SLC45A4: variants seen among roughly 807,000 people sequenced by gnomAD.
The protein encoded by SLC45A4 is polyamine-transporter SLC45A4.
In SLC45A4, 32 loss-of-function variants were observed where a neutral mutation model predicts 63.7. The ratio of observed to expected loss-of-function variants is 0.50; its 90% CI spans 0.38 to 0.67. The LOEUF (loss-of-function observed/expected upper bound fraction) is 0.67. Ranked by LOEUF, SLC45A4 falls within the 30% of genes least tolerant of loss-of-function variation. The pLI, the probability that SLC45A4 is intolerant of heterozygous loss-of-function variation, is 0.00. For missense variants in SLC45A4, 1,027 were observed against 1,157.7 expected (o/e 0.89, Z 1.64); for synonymous variants, 535 against 510.0 (o/e 1.05, Z -0.66).
chr8:141,234,130 G>T (rs964189621), intron 2 of SLC45A4, among the ~76,000 whole-genome samples: 62 of 152,328 alleles, frequency 4.1e-4, no homozygotes, highest in African/African-American at 1.4e-3. Flanking sequence ...CTGAGGGAGT[G>T]GGGACTGTTC....
rs117066198 is a variant in SLC45A4 at position 141,251,787 on chromosome 8, T to C, written c.241+2202A>G. On this transcript the variant is annotated intron_variant, in intron 2 of 8. Coordinates refer to ENST00000517878, the MANE Select transcript of SLC45A4 (RefSeq NM_001286646.2). ...CTGGAAAAGTAAGATGAGTGCTTTTTCATTAATGTATTAAGTGACAAGATC... is the reference window on the plus strand; with the variant it reads ...CTGGAAAAGTAAGATGAGTGCTTTTCCATTAATGTATTAAGTGACAAGATC... 8.9e-4 allele frequency among the ~76,000 whole-genome samples: 135 copies of C among 151,900 alleles called. No homozygotes were observed. In the East Asian group the frequency reaches 0.024, roughly 27 times the overall value.
At chr8:141,305,616 C>T (rs1830872611) in intron 1 of SLC45A4, among the ~76,000 whole-genome samples, 1 of 152,220 alleles carries the variant, frequency 6.6e-6, no homozygotes, top group African/African-American at 2.4e-5. Context: ...TGTCTGCCAC[C>T]TACAGTGCTT....
chr8:141,307,418 G>C (rs151238831), intron 1 of SLC45A4, among the ~76,000 whole-genome samples: 2 of 152,170 alleles, frequency 1.3e-5, no homozygotes, highest in South Asian at 2.1e-4. Context: ...CGATGAGACC[G>C]GGGCAGAGCC....
intron 1 of SLC45A4, among the ~76,000 whole-genome samples, chr8:141,266,248 G>T (rs570558718): frequency 6.6e-6 from 1 of 152,118 alleles, no homozygotes; most frequent in African/African-American, 2.4e-5. Flanking sequence ...CACACGAAGC[G>T]CATGTACACG....
chr8:141,289,021 A>T (rs1014051476), intron 1 of SLC45A4, among the ~76,000 whole-genome samples: 1 of 152,148 alleles, frequency 6.6e-6, no homozygotes, highest in Admixed American at 6.6e-5. Context: ...CCAGCTCCCA[A>T]GAGGGAGGCA....
chr8:141,211,729 A>G, intron 8 of SLC45A4, 32 bp from the exon 9 acceptor site: 2 of 1,512,734 alleles, frequency 1.3e-6, no homozygotes, highest in South Asian at 2.8e-5. Flanking sequence ...AAAATATTTT[A>G]GTCACTGACT....
At chr8:141,232,217 G>C (rs749426652) in intron 2 of SLC45A4, among the ~76,000 whole-genome samples, 2 of 152,372 alleles carry the variant, frequency 1.3e-5, no homozygotes, top group South Asian at 4.1e-4. Context: ...ACATGGGGCC[G>C]GGGAACCTCA....
Position 141,215,708 on chromosome 8 carries a change from G to A in SLC45A4, c.1941+51C>T, listed in dbSNP as rs776418194. 6.3e-7 allele frequency: 1 copy of A among 1,578,268 alleles called. No individual in the cohort carries two copies. The highest frequency in any genetic ancestry group is 1.1e-5 in the South Asian group (1 of 90,358). On this transcript the variant is annotated intron_variant, in intron 7 of 8. Coordinates refer to ENST00000517878, the MANE Select transcript of SLC45A4 (RefSeq NM_001286646.2). The surrounding 1 kb of genome is among the most constrained non-coding windows in gnomAD (Gnocchi z 4.3). ...CACAGGGCTCTGCTCTGTATGGAGG[G>A]AAGGCACTCAGGAGGCTGGAGCGCA...
rs1825813821 is a variant in SLC45A4 at position 141,211,607 on chromosome 8, T to G, written c.2392A>C (p.Lys798Gln). 6.2e-7 allele frequency: 1 copy of G among 1,612,594 alleles called. No individual in the cohort carries two copies. The highest frequency in any genetic ancestry group is 8.5e-7 in the Non-Finnish European group (1 of 1,179,834). ...ESIFLYDYFRKKIFFSTMWFS is the reference protein window; with the variant it reads ...ESIFLYDYFRQKIFFSTMWFS ...CACATTGTGGAAAAGAAAATTTTTT[T>G]TCTAAAATAATCATAAAGAAAAATA... The change falls in exon 9 of 9, where the codon AAA becomes CAA. Residue 798 changes from lysine (K) to glutamine (Q), a missense_variant. By Grantham distance (53) the Lys-to-Gln change is moderately conservative. Coordinates refer to ENST00000517878, the MANE Select transcript of SLC45A4 (RefSeq NM_001286646.2).
At chr8:141,276,782 G>A (rs11986305) in intron 1 of SLC45A4, among the ~76,000 whole-genome samples, 46,611 of 152,100 alleles carry the variant, frequency 0.31, 7,283 homozygotes, top group Middle Eastern at 0.4. Context: ...AGGCCCACAC[G>A]GGCTCAGAAG....
intron 7 of SLC45A4, among the ~76,000 whole-genome samples, chr8:141,214,794 G>C (rs1182232599): frequency 6.6e-6 from 1 of 152,202 alleles, no homozygotes; most frequent in Non-Finnish European, 1.5e-5. Flanking sequence ...TTATGGCAAA[G>C]GTGGCACTGC....
chr8:141,255,633 T>C lies in SLC45A4; in HGVS notation c.-400-1004A>G, dbSNP rs541884769. On this transcript the variant is annotated intron_variant, in intron 1 of 8. Transcript: ENST00000517878. ...CAGGAGGGTGAGGCAGGAGAATCACTTGAACCCGGGAGGTGGAAGTTGCAG... is the reference window on the plus strand; with the variant it reads ...CAGGAGGGTGAGGCAGGAGAATCACCTGAACCCGGGAGGTGGAAGTTGCAG... 2.3e-3 allele frequency among the ~76,000 whole-genome samples: 346 copies of C among 152,164 alleles called. 1 individual carries two copies. The highest frequency in any genetic ancestry group is 4.3e-3 in the Non-Finnish European group (295 of 67,990).
At chr8:141,283,559 G>A (rs1262857156) in intron 1 of SLC45A4, among the ~76,000 whole-genome samples, 1 of 152,258 alleles carries the variant, frequency 6.6e-6, no homozygotes, top group Non-Finnish European at 1.5e-5. Context: ...CCCCGCCTAC[G>A]CTTTAGGCTA....
rs1448075151 is a variant in SLC45A4 at position 141,254,218 on chromosome 8, A to G, written c.12T>C (p.Ala4=). 5.9e-6 allele frequency: 9 copies of G among 1,532,180 alleles called. No homozygotes were observed. Among genetic ancestry groups the G allele is most frequent in the Non-Finnish European group, 7.9e-6 (9 of 1,144,212 alleles). The allele number at this position is 1,532,180 out of a possible 1,614,324, so 94.9% of individuals were successfully genotyped here. A position where few individuals can be genotyped will look rare whatever the true frequency, so the allele number is the denominator to read the frequency against. The stretch of plus-strand genomic sequence containing the variant: ...TAGATTCCGGGTCGGCATTCTGCGG[A>G]GCCATTTTCATTACCACCAAAAATA... MKM[A]PQNADPESMQ... The change falls in exon 2 of 9, where the codon GCT becomes GCC. Residue 4 remains alanine (A), a synonymous_variant. Coordinates refer to ENST00000517878, the MANE Select transcript of SLC45A4 (RefSeq NM_001286646.2). The surrounding 1 kb of genome is among the most constrained non-coding windows in gnomAD (Gnocchi z 4.5).
Position 141,212,238 on chromosome 8 carries a change from G to A in SLC45A4, c.2260C>T (p.Arg754Trp), listed in dbSNP as rs968149021. 9 of 1,553,438 alleles carry A rather than the reference G, an allele frequency of 5.8e-6. No homozygotes were observed. The highest frequency in any genetic ancestry group is 2.0e-4 in the Middle Eastern group (1 of 5,030). ...SEKPTVLKLTRKEGLQGPVET... is the reference protein window; with the variant it reads ...SEKPTVLKLTWKEGLQGPVET... ...ACCGGTCCCTGCAGGCCCTCCTTCCGCGTGAGCTTCAGCACGGTGGGCTTT... is the reference window on the plus strand; with the variant it reads ...ACCGGTCCCTGCAGGCCCTCCTTCCACGTGAGCTTCAGCACGGTGGGCTTT... The change falls in exon 8 of 9, where the codon CGG (arginine) becomes TGG (tryptophan). Residue 754 changes from arginine to tryptophan, a missense_variant. Physicochemically the swap from Arg to Trp is moderately radical, Grantham distance 101 (BLOSUM62 -3). Transcript: ENST00000517878.
chr8:141,217,132 A>T lies in SLC45A4; in HGVS notation c.1687T>A (p.Trp563Arg), dbSNP rs780385191. 3.1e-6 allele frequency: 5 copies of T among 1,613,932 alleles called. No individual in the cohort carries two copies. The Admixed American group carries it at 8.3e-5, about 27-fold the overall frequency. Reference protein sequence around the residue: ...AYNAGVKMGCWGLVIYAATGA... With the variant: ...AYNAGVKMGCRGLVIYAATGA... Reference sequence around the variant, plus strand: ...GTGGCGGCATAAATGACCAGGCCCCAGCAGCCCATCTTGACCCCGGCGTTG... The same window carrying T: ...GTGGCGGCATAAATGACCAGGCCCCTGCAGCCCATCTTGACCCCGGCGTTG... The change falls in exon 6 of 9, where the codon TGG (tryptophan) becomes AGG (arginine). Residue 563 changes from tryptophan (W) to arginine (R), a missense_variant. Transcript: ENST00000517878.
intron 1 of SLC45A4, among the ~76,000 whole-genome samples, chr8:141,262,699 A>C (rs950719324): frequency 6.6e-6 from 1 of 152,208 alleles, no homozygotes; most frequent in African/African-American, 2.4e-5. Context: ...GGCAATCATT[A>C]AAAAGTCAGA....
chr8:141,290,802 G>A (rs114338699), intron 1 of SLC45A4, among the ~76,000 whole-genome samples: 2,221 of 152,342 alleles, frequency 0.015, 53 homozygotes, highest in African/African-American at 0.049. Context: ...TGGCGGGGGG[G>A]CCTGGGGAGG....
In SLC45A4 at chr8:141,297,033, C is replaced by T. The variant is rs7813815; in HGVS notation, c.-401+11063G>A. Among the ~76,000 whole-genome samples the T allele has an allele frequency of 3.4e-3, 521 of 152,198 alleles. 3 individuals carry two copies. Among genetic ancestry groups the T allele is most frequent in the African/African-American group, 0.012 (488 of 41,532 alleles). On this transcript the variant is annotated intron_variant, in intron 1 of 8. Coordinates refer to ENST00000517878, the MANE Select transcript of SLC45A4 (RefSeq NM_001286646.2). ...TGTTGTTGCAAAGCCACCTGGTCTA[C>T]GGTACGTGTTTGAAGCAGTCTGACC...
Sources: allele counts gnomAD v4.1 joint callset (sites outside exome capture counted in the v4.1 genomes callset), GRCh38; gene constraint gnomAD v4.1.1; non-coding constraint Gnocchi (gnomAD v3.1); transcripts MANE v1.5; gene names NCBI Gene and HGNC (gene_info 2026-07-23, HGNC 2026-07-21).